The following SLC25A29 variants were observed in gnomAD, a reference collection of about 807,000 sequenced individuals.
SLC25A29 encodes mitochondrial basic amino acids transporter.
Under a neutral mutation model 10.0 loss-of-function variants are expected in SLC25A29, and 13 were observed. That is an observed-to-expected ratio of 1.30 (90% CI 0.85 to 2.07). The LOEUF (loss-of-function observed/expected upper bound fraction) is 2.07, where lower values mean the gene tolerates loss of function less well. Among genes scored for constraint, SLC25A29 ranks in the 30% most tolerant of loss-of-function variants. The probability of loss-of-function intolerance (pLI) is 0.00; values close to 1 mark genes in which losing one functional copy is unlikely to be tolerated. For missense variants in SLC25A29, 475 were observed against 447.6 expected (o/e 1.06, Z -0.55); for synonymous variants, 244 against 221.1 (o/e 1.10, Z -0.92).
the SLC25A29 span, among the ~76,000 whole-genome samples, chr14:100,283,096 T>G: frequency 6.6e-6 from 1 of 152,206 alleles, no homozygotes; most frequent in African/African-American, 2.4e-5. Flanking sequence ...CAGCCGGACC[T>G]ATGAGCCCAT....
chr14:100,291,176 CA>C lies in SLC25A29; in HGVS notation c.*1106del, dbSNP rs1350597369. ...TTCTGTACAGCGACACCAGGCTGTGCAAAGCCCAGTGTCGTCTTCACTGAGC... is the reference window on the plus strand; with the variant it reads ...TTCTGTACAGCGACACCAGGCTGTGCAAGCCCAGTGTCGTCTTCACTGAGC... On this transcript the variant is annotated 3_prime_UTR_variant, in exon 4 of 4. Transcript: ENST00000359232. The C allele has an allele frequency of 6.6e-6, 1 of 152,284 alleles. No homozygotes were observed. The highest frequency in any genetic ancestry group is 6.5e-5 in the Admixed American group (1 of 15,284). The allele number at this position is 152,284 out of a possible 1,614,324, so 9.4% of individuals were successfully genotyped here.
At chr14:100,283,574 C>T in the SLC25A29 span, among the ~76,000 whole-genome samples, 1 of 151,508 alleles carries the variant, frequency 6.6e-6, no homozygotes, top group Non-Finnish European at 1.5e-5. Flanking sequence ...CAACCTCTGC[C>T]TCCCGGGTTC....
At position 100,293,365 on chromosome 14, in the gene SLC25A29, C is replaced by T. The variant is rs935544783; in HGVS notation, c.91G>A (p.Val31Ile). The T allele has an allele frequency of 6.2e-7, 1 of 1,613,024 alleles. No individual in the cohort carries two copies. ...PFDTVKVRLQ[V>I]QSVEKPQYRG... is the part of the protein sequence containing the mutation. ...TACTGAGGCTTCTCCACGCTCTGGA[C>T]CTGAAGCCGTACCTGGAAGGAGAGG... The change falls in exon 3 of 4, where the codon GTC (valine) becomes ATC (isoleucine). Residue 31 changes from valine (V) to isoleucine (I), a missense_variant. By Grantham distance (29) the Val-to-Ile change is conservative. Transcript: ENST00000359232.
At position 100,292,648 on chromosome 14, in the gene SLC25A29, G is replaced by A. The variant is rs1446806909; in HGVS notation, c.547C>T (p.Pro183Ser). 1.3e-6 allele frequency: 2 copies of A among 1,595,650 alleles called. No individual in the cohort carries two copies. The highest frequency in any genetic ancestry group is 2.3e-5 in the East Asian group (1 of 43,962). The change falls in exon 4 of 4, where the codon CCG becomes TCG. Residue 183 changes from proline to serine, a missense_variant. By Grantham distance (74) the Pro-to-Ser change is moderately conservative (BLOSUM62 -1). Transcript: ENST00000359232. The part of the protein sequence containing the change: ...DALTRALGCE[P>S]GDRLLVPKLL... ...TTGGGCACCAGCAGGCGGTCGCCCGGCTCGCAGCCCAGCGCCCGCGTGAGA... is the reference window on the plus strand; with the variant it reads ...TTGGGCACCAGCAGGCGGTCGCCCGACTCGCAGCCCAGCGCCCGCGTGAGA...
intron 2 of SLC25A29, chr14:100,295,651 GC>G: frequency 1.6e-6 from 2 of 1,289,458 alleles, no homozygotes; most frequent in Non-Finnish European, 2.0e-6. Flanking sequence ...TGAGGCTTAC[GC>G]CCATCTACAA....
chr14:100,289,067 G>A (rs1429779917), downstream of SLC25A29, among the ~76,000 whole-genome samples: 4 of 152,220 alleles, frequency 2.6e-5, no homozygotes, highest in African/African-American at 9.7e-5. Flanking sequence ...TCGGAGCGAT[G>A]CTCTTGTGAG....
In SLC25A29 at chr14:100,292,958, C is replaced by T; in HGVS notation, c.237G>A (p.Val79=). ...CCAGGGCCCGGAGGGTGTTGCCCTG[C>T]ACCCCGAACACCAGCGCGTTGATGA... ...LTFINALVFG[V]QGNTLRALGH... Residue 79 remains valine (V), a synonymous_variant, in exon 4 of 4, where the codon GTG becomes GTA. Coordinates refer to ENST00000359232, the MANE Select transcript of SLC25A29 (RefSeq NM_001039355.3). 6.2e-7 allele frequency: 1 copy of T among 1,603,208 alleles called. No homozygotes were observed. Among genetic ancestry groups the T allele is most frequent in the African/African-American group, 1.3e-5 (1 of 74,852 alleles).
In SLC25A29 at chr14:100,292,661, C is replaced by G. The variant is rs779290640; in HGVS notation, c.534G>C (p.Ala178=). The change falls in exon 4 of 4, where the codon GCG becomes GCC. Residue 178 remains alanine (A), a synonymous_variant. Transcript: ENST00000359232. ...GGCGGTCGCCCGGCTCGCAGCCCAG[C>G]GCCCGCGTGAGAGCGTCATAGGTGA... ...YFLTYDALTR[A]LGCEPGDRLL... is the part of the protein sequence containing the mutation. 8 of 1,598,432 alleles carry G rather than the reference C, an allele frequency of 5.0e-6. No individual in the cohort carries two copies. In the Admixed American group the frequency reaches 1.0e-4, roughly 21 times the overall value.
At chr14:100,285,044 CG>C in the SLC25A29 span, among the ~76,000 whole-genome samples, 14 of 80,904 alleles carry the variant, frequency 1.7e-4, no homozygotes, top group Admixed American at 8.5e-4. Context: ...TCTAAAAAAG[CG>C]GGGGGGGGCG....
chr14:100,297,752 T>C (rs912137080), intron 2 of SLC25A29, among the ~76,000 whole-genome samples: 2 of 152,196 alleles, frequency 1.3e-5, no homozygotes, highest in African/African-American at 4.8e-5. Context: ...CAAATTGGCC[T>C]ACAGTGGATA....
At chr14:100,300,375 T>C (rs1892462238) in intron 1 of SLC25A29, among the ~76,000 whole-genome samples, 2 of 152,222 alleles carry the variant, frequency 1.3e-5, no homozygotes, top group South Asian at 4.1e-4. Context: ...TTTGTCCAAC[T>C]TGTAATTTTG....
chr14:100,288,856 G>GA (rs1891599784), downstream of SLC25A29, among the ~76,000 whole-genome samples: 2 of 152,216 alleles, frequency 1.3e-5, no homozygotes, highest in African/African-American at 2.4e-5. Flanking sequence ...TGTGGCCCCA[G>GA]AAAAATCCGT....
Position 100,292,146 on chromosome 14 carries a change from TC to T in SLC25A29, c.*136del. ...TTCTCGGCCAAAACTACCCAGCTGA[TC>T]AGCAAAATTCAGCCCACGTCTGATA... On this transcript the variant is annotated 3_prime_UTR_variant, in exon 4 of 4. Coordinates refer to ENST00000359232, the MANE Select transcript of SLC25A29 (RefSeq NM_001039355.3). 1 of 1,179,330 alleles carries T rather than the reference TC, an allele frequency of 8.5e-7. No individual in the cohort carries two copies. The highest frequency in any genetic ancestry group is 1.2e-6 in the Non-Finnish European group (1 of 830,800). The allele number at this position is 1,179,330 out of a possible 1,614,324, so 73.1% of individuals were successfully genotyped here. A position where few individuals can be genotyped will look rare whatever the true frequency, so the allele number is the denominator to read the frequency against.
rs760725467 is a variant in SLC25A29 at position 100,306,205 on chromosome 14, C to T, written c.28G>A (p.Ala10Thr). Residue 10 changes from alanine (A) to threonine (T), a missense_variant, in exon 1 of 4, where the codon GCG (alanine) becomes ACG (threonine). Ala to Thr is a moderately conservative substitution (Grantham distance 58). Transcript: ENST00000359232. MALDFLAGC[A>T]GGVAGVLVGH... is the part of the protein sequence containing the mutation. ...CGGCCCGCCGCCTCCTTACCCCCCG[C>T]GCATCCAGCCAAGAAGTCCAGCGCC... is the stretch of plus-strand genomic sequence containing the variant. 21 of 1,511,014 alleles carry T rather than the reference C, an allele frequency of 1.4e-5. No individual in the cohort carries two copies. The highest frequency in any genetic ancestry group is 1.8e-5 in the Non-Finnish European group (21 of 1,137,078). 93.6% of individuals were successfully genotyped at this position (1,511,014 alleles called of 1,614,324 possible). A position where few individuals can be genotyped will look rare whatever the true frequency, so the allele number is the denominator to read the frequency against.
chr14:100,296,166 G>T (rs12431901), intron 2 of SLC25A29: 155,040 of 565,986 alleles, frequency 0.27, 23,925 homozygotes, highest in East Asian at 0.54. Context: ...GGCCAGGCCT[G>T]TCATCCCAGC....
At chr14:100,283,416 CTG>C in the SLC25A29 span, among the ~76,000 whole-genome samples, 1 of 151,372 alleles carries the variant, frequency 6.6e-6, no homozygotes, top group African/African-American at 2.4e-5. Context: ...CTAAGTAGGG[CTG>C]AGCTGAGCAA....
the SLC25A29 span, chr14:100,278,770 G>T: frequency 2.0e-5 from 3 of 152,308 alleles, no homozygotes; most frequent in Non-Finnish European, 4.4e-5. Context: ...AAGTGTGAGT[G>T]AAGCATCTGT....
rs371329038 is a variant in SLC25A29, at chr14:100,295,421, G to A, written c.79-2044C>T. 4.0e-4 allele frequency: 159 copies of A among 396,282 alleles called. 2 individuals are homozygous for A. The highest frequency in any genetic ancestry group is 2.6e-3 in the African/African-American group (124 of 47,202). 24.5% of individuals were successfully genotyped at this position (396,282 alleles called of 1,614,324 possible). A position where few individuals can be genotyped will look rare whatever the true frequency, so the allele number is the denominator to read the frequency against. On this transcript the variant is annotated intron_variant, in intron 2 of 3. Transcript: ENST00000359232. ...GAAGCTCCCAGCTCCCCATAGGGCC[G>A]AGAGACCCCCACATGAGGACCCCCA...
intron 1 of SLC25A29, among the ~76,000 whole-genome samples, chr14:100,304,584 C>T (rs1892787539): frequency 6.6e-6 from 1 of 151,864 alleles, no homozygotes; most frequent in African/African-American, 2.4e-5. Flanking sequence ...GGGGGGTGGC[C>T]TGTGCCCCAG....
Sources: gnomAD v4.1 joint callset for allele counts (sites outside exome capture counted in the v4.1 genomes callset) on GRCh38, gnomAD v4.1.1 for gene constraint, MANE v1.5 for transcripts, NCBI Gene and HGNC (gene_info 2026-07-23, HGNC 2026-07-21) for gene names.